The following SESTD1 variants were observed in gnomAD, a reference collection of about 807,000 sequenced individuals.
SESTD1 encodes SEC14 domain and spectrin repeat-containing protein 1.
In SESTD1, 43 loss-of-function variants were observed where a neutral mutation model predicts 101.7. The ratio of observed to expected loss-of-function variants is 0.42; its 90% confidence interval spans 0.33 to 0.55. The LOEUF is 0.55. Ranked by LOEUF, SESTD1 falls within the 20% of genes least tolerant of loss-of-function variation. SESTD1 has a pLI of 0.07. For synonymous variants in SESTD1, 283 were observed against 286.8 expected, an observed-to-expected ratio of 0.99 and a Z score of 0.13; for missense variants, 647 against 815.1, an observed-to-expected ratio of 0.79 and a Z score of 2.51.
At chr2:179,222,084 GTATTT>G (rs2046823967) in intron 1 of SESTD1, among the ~76,000 whole-genome samples, 1 of 152,148 alleles carries the variant, frequency 6.6e-6, no homozygotes, top group African/African-American at 2.4e-5. Flanking sequence ...GGAAAACCAA[GTATTT>G]ATAGAGTGAC....
intron 10 of SESTD1, among the ~76,000 whole-genome samples, chr2:179,128,872 G>T (rs1421229373): frequency 6.6e-6 from 1 of 151,956 alleles, no homozygotes; most frequent in Non-Finnish European, 1.5e-5. Context: ...TTATTTTATA[G>T]CAAAATAAAA....
chr2:179,186,605 T>C (rs2046236038), intron 2 of SESTD1, among the ~76,000 whole-genome samples: 1 of 152,004 alleles, frequency 6.6e-6, no homozygotes, highest in African/African-American at 2.4e-5. Flanking sequence ...AAGTGAGACA[T>C]CATGACATCT....
intron 5 of SESTD1, among the ~76,000 whole-genome samples, chr2:179,156,267 C>A (rs2045629664): frequency 6.6e-6 from 1 of 152,056 alleles, no homozygotes; most frequent in Non-Finnish European, 1.5e-5. Flanking sequence ...TATGATTTTG[C>A]AATTGTGAAT....
intron 1 of SESTD1, among the ~76,000 whole-genome samples, chr2:179,263,634 A>T (rs2047513606): frequency 7.4e-6 from 1 of 134,838 alleles, no homozygotes; most frequent in Non-Finnish European, 1.6e-5. Context: ...TTCTCCCGCG[A>T]TGTCTGTGTG....
intron 1 of SESTD1, among the ~76,000 whole-genome samples, chr2:179,239,974 ATCT>A (rs1432864005): frequency 1.3e-5 from 2 of 152,214 alleles, no homozygotes; most frequent in Non-Finnish European, 2.9e-5. Context: ...CCAGCTTCAC[ATCT>A]TCTGAAACAA....
intron 6 of SESTD1, among the ~76,000 whole-genome samples, chr2:179,151,069 T>C (rs544476270): frequency 2.2e-4 from 33 of 152,348 alleles, no homozygotes; most frequent in African/African-American, 7.7e-4. Flanking sequence ...AAACGCATTG[T>C]TGAAGGCCTA....
chr2:179,166,171 C>T (rs1001493970), intron 5 of SESTD1, among the ~76,000 whole-genome samples: 5 of 152,016 alleles, frequency 3.3e-5, no homozygotes, highest in Non-Finnish European at 5.9e-5. Context: ...AGTATAGACA[C>T]AAGAATTCAT....
At chr2:179,192,619 T>C (rs143927916) in intron 1 of SESTD1, among the ~76,000 whole-genome samples, 5 of 152,256 alleles carry the variant, frequency 3.3e-5, no homozygotes, top group African/African-American at 7.2e-5. Context: ...TATAGCTAAA[T>C]ACAAAAAGGG....
intron 5 of SESTD1, among the ~76,000 whole-genome samples, chr2:179,164,588 G>C (rs2045801838): frequency 6.6e-6 from 1 of 152,160 alleles, no homozygotes; most frequent in Admixed American, 6.5e-5. Context: ...TATAATATCT[G>C]AGTTGCTAAA....
chr2:179,228,172 C>G (rs1188229809), intron 1 of SESTD1, among the ~76,000 whole-genome samples: 1 of 152,120 alleles, frequency 6.6e-6, no homozygotes, highest in Non-Finnish European at 1.5e-5. Context: ...TAGTGTGTTA[C>G]CAGGCGGCCT....
At chr2:179,155,601 G>A (rs1332001411) in intron 5 of SESTD1, among the ~76,000 whole-genome samples, 1 of 151,624 alleles carries the variant, frequency 6.6e-6, no homozygotes, top group Non-Finnish European at 1.5e-5. Context: ...AGGCAACAGA[G>A]TGAGATTCTG....
At chr2:179,246,818 C>T (rs1420156467) in intron 1 of SESTD1, among the ~76,000 whole-genome samples, 1 of 152,116 alleles carries the variant, frequency 6.6e-6, no homozygotes, top group Non-Finnish European at 1.5e-5. Context: ...AATCTTCAAC[C>T]ACTTAGTAAC....
chr2:179,177,120 A>G (rs1021292689), intron 3 of SESTD1, among the ~76,000 whole-genome samples: 1 of 152,180 alleles, frequency 6.6e-6, no homozygotes, highest in South Asian at 2.1e-4. Context: ...TCACTTTTGC[A>G]TTGTCAGTCA....
intron 1 of SESTD1, among the ~76,000 whole-genome samples, chr2:179,198,476 C>T (rs577636141): frequency 1.6e-3 from 243 of 152,286 alleles, no homozygotes; most frequent in African/African-American, 5.7e-3. Context: ...CTGCAGAACT[C>T]TCCACCCCAA....
chr2:179,263,183 TA>T (rs1393534664), intron 1 of SESTD1, among the ~76,000 whole-genome samples: 1 of 152,198 alleles, frequency 6.6e-6, no homozygotes, highest in African/African-American at 2.4e-5. Context: ...TTTTTTCACG[TA>T]TTTAGTCATG....
At chr2:179,147,659 C>T (rs2045426224) in intron 7 of SESTD1, among the ~76,000 whole-genome samples, 1 of 152,158 alleles carries the variant, frequency 6.6e-6, no homozygotes, top group South Asian at 2.1e-4. Context: ...CGCGCCCAGC[C>T]TGAACAAGAT....
intron 5 of SESTD1, among the ~76,000 whole-genome samples, chr2:179,167,113 A>G (rs2045848798): frequency 6.6e-6 from 1 of 152,254 alleles, no homozygotes; most frequent in African/African-American, 2.4e-5. Flanking sequence ...ACTATCAGAT[A>G]GGAAATTTAA....
At chr2:179,222,379 T>C (rs2046828065) in intron 1 of SESTD1, among the ~76,000 whole-genome samples, 1 of 152,184 alleles carries the variant, frequency 6.6e-6, no homozygotes, top group South Asian at 2.1e-4. Flanking sequence ...GTGAGCAAAT[T>C]TGTATATATA....
chr2:179,189,080 G>A (rs75315941), intron 2 of SESTD1, among the ~76,000 whole-genome samples: 7 of 152,198 alleles, frequency 4.6e-5, no homozygotes, highest in African/African-American at 1.4e-4. Context: ...TGTAAAGCCA[G>A]CATCATCCTG....
Sources: allele counts gnomAD v4.1 joint callset (sites outside exome capture counted in the v4.1 genomes callset), GRCh38; gene constraint gnomAD v4.1.1; transcripts MANE v1.5; gene names NCBI Gene and HGNC (gene_info 2026-07-23, HGNC 2026-07-21).